Variants in OXNAD1 observed in about 807,000 individuals in gnomAD.
OXNAD1 encodes the protein oxidoreductase NAD-binding domain-containing protein 1.
In OXNAD1, 34 loss-of-function variants were observed where a neutral mutation model predicts 32.9. The ratio of observed to expected loss-of-function variants is 1.03; its 90% CI spans 0.79 to 1.38. OXNAD1 has a LOEUF of 1.38. Ranked by LOEUF, OXNAD1 falls within the 40% of genes most tolerant of loss-of-function variation. The pLI is 0.00. For synonymous variants in OXNAD1, 134 were observed against 135.2 expected (o/e 0.99, Z 0.06); for missense variants, 407 against 379.4 (o/e 1.07, Z -0.60).
At chr3:16,293,426 C>T (rs1246262013) in intron 5 of OXNAD1, among the ~76,000 whole-genome samples, 3 of 152,166 alleles carry the variant, frequency 2.0e-5, no homozygotes, top group African/African-American at 4.8e-5. Context: ...TTAGTGAATA[C>T]ATTAGTATTT....
chr3:16,337,740 CAAAAA>C (rs5846920), downstream of OXNAD1, among the ~76,000 whole-genome samples: 1 of 95,176 alleles, frequency 1.1e-5, no homozygotes, highest in Non-Finnish European at 2.4e-5. The surrounding 1 kb of genome is among the most constrained non-coding windows in gnomAD (Gnocchi z 5.0). Context: ...GACTCCATCT[CAAAAA>C]AAAAAAAAAA....
chr3:16,347,786 T>G (rs2071833602), intron 9 of OXNAD1: 1 of 152,238 alleles, frequency 6.6e-6, no homozygotes, highest in African/African-American at 2.4e-5. Context: ...AAGCCTCCAA[T>G]AACTTTTATC....
chr3:16,326,323 A>G (rs958676007), intron 9 of OXNAD1, among the ~76,000 whole-genome samples: 1 of 152,242 alleles, frequency 6.6e-6, no homozygotes, highest in African/African-American at 2.4e-5. Flanking sequence ...CAAGTCCCTC[A>G]ACCTCCCTGG....
At chr3:16,307,319 T>C (rs2067630549), downstream of OXNAD1, among the ~76,000 whole-genome samples, 1 of 152,212 alleles carries the variant, frequency 6.6e-6, no homozygotes. Context: ...TCATGATGGT[T>C]GATGAGGTTC....
intron 9 of OXNAD1, among the ~76,000 whole-genome samples, chr3:16,330,525 A>G (rs1042672962): frequency 1.3e-5 from 2 of 152,160 alleles, no homozygotes; most frequent in African/African-American, 4.8e-5. Flanking sequence ...ACAACACTCA[A>G]AAGCCAGCCT....
In OXNAD1 at chr3:16,345,839, C is replaced by T. The variant is rs930863378; in HGVS notation, c.*31-3337C>T. Among the ~76,000 whole-genome samples the T allele has an allele frequency of 1.9e-4, 10 of 51,492 alleles. No individual in the cohort carries two copies. Among genetic ancestry groups the T allele is most frequent in the Non-Finnish European group, 2.8e-4 (7 of 24,876 alleles). 33.8% of individuals were successfully genotyped at this position (51,492 alleles called of 152,430 possible). ...GTGTGCGCGCGCGCGTGCGCGCACG[C>T]GCACATGTGCATGTGTATGTGTATA... On this transcript the variant is annotated intron_variant, in intron 9 of 9. Coordinates refer to the OXNAD1 transcript ENST00000606098. The surrounding 1 kb of genome is among the most constrained non-coding windows in gnomAD (Gnocchi z 5.2).
At position 16,266,602 on chromosome 3, in the gene OXNAD1, C is replaced by CAAA. The variant is rs77883979; in HGVS notation, c.-159+1119_-159+1121dup. Among the ~76,000 whole-genome samples, 505 of 72,484 alleles carry CAAA rather than the reference C, an allele frequency of 7.0e-3. 14 individuals carry two copies. Among genetic ancestry groups the CAAA allele is most frequent in the African/African-American group, 0.019 (333 of 17,330 alleles). 47.6% of individuals were successfully genotyped at this position (72,484 alleles called of 152,430 possible). ...TGGGCGACAGAGCTAGACGCTGTCT[C>CAAA]AAAAAAAAAAAAAAAAAAAAAAAAG... On this transcript the variant is annotated intron_variant, in intron 1 of 8. Coordinates refer to ENST00000285083, the MANE Select transcript of OXNAD1 (RefSeq NM_138381.5).
chr3:16,316,025 A>T lies in OXNAD1; in HGVS notation c.*30+12433A>T, dbSNP rs1264295104. On this transcript the variant is annotated intron_variant, in intron 9 of 9. Coordinates refer to the OXNAD1 transcript ENST00000435829. This position sits in a 1 kb window ranked among gnomAD's most constrained non-coding sequence, Gnocchi z 4.5. ...ATGATAAACACAGCATACATGGGTA[A>T]CAACTTGACCAATGTTACACTGATT... 1 of 152,480 alleles carries T rather than the reference A, an allele frequency of 6.6e-6. No homozygotes were observed. Among genetic ancestry groups the T allele is most frequent in the Admixed American group, 6.5e-5 (1 of 15,292 alleles). 9.4% of individuals were successfully genotyped at this position (152,480 alleles called of 1,614,324 possible). A position where few individuals can be genotyped will look rare whatever the true frequency, so the allele number is the denominator to read the frequency against.
Position 16,317,246 on chromosome 3 carries a change from A to G in OXNAD1, c.*30+13654A>G, listed in dbSNP as rs952944653. ...TCGCCACTGAAACTAGAAATCAGAAAGGATGGGGATAAATAACAAGCCTCC... is the reference window on the plus strand; with the variant it reads ...TCGCCACTGAAACTAGAAATCAGAAGGGATGGGGATAAATAACAAGCCTCC... On this transcript the variant is annotated intron_variant, in intron 9 of 9. Coordinates refer to the OXNAD1 transcript ENST00000435829. This position sits in a 1 kb window ranked among gnomAD's most constrained non-coding sequence, Gnocchi z 4.3. 1.4e-5 allele frequency: 23 copies of G among 1,610,050 alleles called. No individual in the cohort carries two copies. Among genetic ancestry groups the G allele is most frequent in the Non-Finnish European group, 1.9e-5 (23 of 1,179,876 alleles).
Position 16,301,595 on chromosome 3 carries a change from A to C in OXNAD1, c.433-31A>C. ...TTTGGTTTAAGACCTTTGCTACAAA[A>C]GACTAAAAGGTCTTTTCTTTCCTGC... On this transcript the variant is annotated intron_variant, in intron 6 of 8. Transcript: ENST00000285083. This position sits in a 1 kb window ranked among gnomAD's most constrained non-coding sequence, Gnocchi z 4.1. 6.2e-7 allele frequency: 1 copy of C among 1,611,456 alleles called. No individual in the cohort carries two copies. The highest frequency in any genetic ancestry group is 8.5e-7 in the Non-Finnish European group (1 of 1,178,438).
At chr3:16,291,990 A>G (rs1236591652) in intron 5 of OXNAD1, among the ~76,000 whole-genome samples, 1 of 152,174 alleles carries the variant, frequency 6.6e-6, no homozygotes, top group Non-Finnish European at 1.5e-5. Flanking sequence ...TTGATGTTGA[A>G]CATCTCTTCA....
intron 9 of OXNAD1, among the ~76,000 whole-genome samples, chr3:16,325,210 C>T (rs929782577): frequency 3.3e-5 from 5 of 152,164 alleles, no homozygotes; most frequent in African/African-American, 7.2e-5. Flanking sequence ...CAATGCTCCA[C>T]GGAATCCAAC....
rs1237960837 is a variant in OXNAD1 at position 16,265,578 on chromosome 3, T to C, written c.-159+73T>C. The stretch of plus-strand genomic sequence containing the variant: ...TTGTGTTGCTGAAAGGACCAAGCCC[T>C]GGAAGGCAGGGATTGAGTTCTAGTC... On this transcript the variant is annotated intron_variant, in intron 1 of 8. Coordinates refer to ENST00000285083, the MANE Select transcript of OXNAD1 (RefSeq NM_138381.5). The surrounding 1 kb of genome is among the most constrained non-coding windows in gnomAD (Gnocchi z 4.8). The C allele has an allele frequency of 6.6e-6, 1 of 152,340 alleles. No homozygotes were observed. The highest frequency in any genetic ancestry group is 2.4e-5 in the African/African-American group (1 of 41,448). 9.4% of individuals were successfully genotyped at this position (152,340 alleles called of 1,614,324 possible). A position where few individuals can be genotyped will look rare whatever the true frequency, so the allele number is the denominator to read the frequency against.
chr3:16,324,448 C>T (rs1325974787), intron 9 of OXNAD1, among the ~76,000 whole-genome samples: 1 of 152,108 alleles, frequency 6.6e-6, no homozygotes, highest in African/African-American at 2.4e-5. Flanking sequence ...CGCCCCACTC[C>T]CCAGCCTCTG....
chr3:16,316,806 T>C lies in OXNAD1; in HGVS notation c.*30+13214T>C, dbSNP rs2068439319. ...CCTTGGGTTTGGCAACTCACCTAGT[T>C]TTAGCACAAATTGCCCAAGACTCAG... On this transcript the variant is annotated intron_variant, in intron 9 of 9. Transcript: ENST00000435829. This position sits in a 1 kb window ranked among gnomAD's most constrained non-coding sequence, Gnocchi z 4.5. The C allele has an allele frequency of 4.3e-6, 7 of 1,613,154 alleles. No homozygotes were observed. Among genetic ancestry groups the C allele is most frequent in the Non-Finnish European group, 5.9e-6 (7 of 1,179,854 alleles).
At position 16,286,283 on chromosome 3, in the gene OXNAD1, A is replaced by G. The variant is rs569771809; in HGVS notation, c.184-59A>G. 6.7e-5 allele frequency: 89 copies of G among 1,328,930 alleles called. No homozygotes were observed. In the African/African-American group the frequency reaches 1.1e-3, roughly 16 times the overall value. The allele number at this position is 1,328,930 out of a possible 1,614,324, so 82.3% of individuals were successfully genotyped here. The stretch of plus-strand genomic sequence containing the variant: ...AAACCTTAGTTCTCAGGATGCCACC[A>G]TTTGTCCCTTGTGCTGTGTACGCAC... On this transcript the variant is annotated intron_variant, in intron 4 of 8. Transcript: ENST00000285083.
rs772073293 is a variant in OXNAD1, at chr3:16,269,234, A to C, written c.-50A>C. The stretch of plus-strand genomic sequence containing the variant: ...ACCAAAATATTCTGTCAATCAGCTG[A>C]CCATATACTTAATGACTCCTAAAAT... On this transcript the variant is annotated 5_prime_UTR_variant, in exon 2 of 9. Coordinates refer to ENST00000285083, the MANE Select transcript of OXNAD1 (RefSeq NM_138381.5). The C allele has an allele frequency of 6.5e-7, 1 of 1,535,382 alleles. No homozygotes were observed. Among genetic ancestry groups the C allele is most frequent in the South Asian group, 1.2e-5 (1 of 83,986 alleles).
intron 9 of OXNAD1, among the ~76,000 whole-genome samples, chr3:16,311,375 A>G (rs1156535831): frequency 6.6e-6 from 1 of 152,108 alleles, no homozygotes; most frequent in East Asian, 1.9e-4. Flanking sequence ...TATTTTTAAT[A>G]GAGACAGGGT....
In OXNAD1 at chr3:16,288,522, T is replaced by C. The variant is rs1414777408; in HGVS notation, c.290+2074T>C. Among the ~76,000 whole-genome samples, 2 of 152,170 alleles carry C rather than the reference T, an allele frequency of 1.3e-5. No homozygotes were observed. Among genetic ancestry groups the C allele is most frequent in the African/African-American group, 2.4e-5 (1 of 41,444 alleles). ...CTGGAGCTTTGGCCACAGATCCCCA[T>C]GTAGACACCTTCAGCATAGATCAGA... On this transcript the variant is annotated intron_variant, in intron 5 of 8. Coordinates refer to ENST00000285083, the MANE Select transcript of OXNAD1 (RefSeq NM_138381.5). The surrounding 1 kb of genome is among the most constrained non-coding windows in gnomAD (Gnocchi z 5.1).
Sources: allele counts gnomAD v4.1 joint callset (sites outside exome capture counted in the v4.1 genomes callset), GRCh38; gene constraint gnomAD v4.1.1; non-coding constraint Gnocchi (gnomAD v3.1); transcripts MANE v1.5; gene names NCBI Gene and HGNC (gene_info 2026-07-23, HGNC 2026-07-21).